The following CLEC2A variants were observed in gnomAD, a reference collection of about 807,000 sequenced individuals.
The protein encoded by CLEC2A is C-type lectin domain family 2 member A, also known as keratinocyte-associated C-type lectin.
A neutral mutation model predicts 18.6 loss-of-function variants in CLEC2A; 19 were observed. That is an observed-to-expected ratio of 1.02 (90% CI 0.71 to 1.50). The LOEUF is 1.50. CLEC2A is among the 40% of genes most tolerant of loss of function. The pLI, the probability that CLEC2A is intolerant of heterozygous loss-of-function variation, is 0.00. For synonymous variants in CLEC2A, 74 were observed against 64.0 expected (o/e 1.16, Z -0.75); for missense variants, 190 against 207.9 (o/e 0.91, Z 0.53).
rs776059249 is a variant in CLEC2A at position 9,913,683 on chromosome 12, G to T, written c.411-3C>A. ...ATCCGTTCCCTATAATTTCAAACCT[G>T]AAAAAGAACACTCTAAATCAGTCTG... is the stretch of plus-strand genomic sequence containing the variant. On this transcript the variant is annotated splice_polypyrimidine_tract_variant and splice_region_variant and intron_variant, in intron 4 of 4. Transcript: ENST00000455827. The T allele has an allele frequency of 4.6e-6, 7 of 1,528,416 alleles. 1 individual carries two copies. The South Asian group carries it at 8.5e-5, about 19-fold the overall frequency. 94.7% of individuals were successfully genotyped at this position (1,528,416 alleles called of 1,614,324 possible). A position where few individuals can be genotyped will look rare whatever the true frequency, so the allele number is the denominator to read the frequency against.
chr12:9,908,360 T>C (rs1007416006), downstream of CLEC2A, among the ~76,000 whole-genome samples: 6 of 152,214 alleles, frequency 3.9e-5, no homozygotes, highest in East Asian at 1.9e-4. Context: ...TAATTTCTGC[T>C]TCCAGGATTA....
the CLEC2A span, chr12:9,893,480 T>C: frequency 1.3e-6 from 2 of 1,523,224 alleles, no homozygotes; most frequent in Non-Finnish European, 1.8e-6. Context: ...GATTGGACTA[T>C]ATGTTACATT....
chr12:9,894,556 G>A (rs773572894), downstream of CLEC2A, among the ~76,000 whole-genome samples: 2 of 152,138 alleles, frequency 1.3e-5, no homozygotes, highest in African/African-American at 2.4e-5. Context: ...AACAACATGA[G>A]GTGTTGCATG....
chr12:9,888,383 G>T, the CLEC2A span, among the ~76,000 whole-genome samples: 163 of 151,960 alleles, frequency 1.1e-3, 2 homozygotes, highest in Middle Eastern at 3.4e-3. Flanking sequence ...CCATATGCTC[G>T]GGAGGCTGAG....
the CLEC2A span, among the ~76,000 whole-genome samples, chr12:9,879,980 G>T: frequency 6.6e-6 from 1 of 152,282 alleles, no homozygotes; most frequent in African/African-American, 2.4e-5. Context: ...CTATGACCCG[G>T]GTTGGGGATG....
At chr12:9,921,663 T>G (rs1863175291) in intron 3 of CLEC2A, among the ~76,000 whole-genome samples, 1 of 152,192 alleles carries the variant, frequency 6.6e-6, no homozygotes, top group African/African-American at 2.4e-5. Context: ...ACTGGAAGTC[T>G]TACTGGTAAC....
downstream of CLEC2A, among the ~76,000 whole-genome samples, chr12:9,912,479 G>C (rs373792034): frequency 2.0e-5 from 3 of 152,210 alleles, no homozygotes; most frequent in East Asian, 3.8e-4. Context: ...AGGAGCGACA[G>C]TGAGAGGTTT....
the CLEC2A span, chr12:9,885,032 C>T: frequency 1.1e-4 from 136 of 1,190,382 alleles, no homozygotes; most frequent in Admixed American, 3.0e-4. Flanking sequence ...GAAGTTCTGG[C>T]GTGAGTAGTA....
At chr12:9,894,525 T>C (rs1325076171), downstream of CLEC2A, among the ~76,000 whole-genome samples, 5 of 152,188 alleles carry the variant, frequency 3.3e-5, no homozygotes, top group Non-Finnish European at 5.9e-5. Context: ...CACGATACTT[T>C]CTTCACATTG....
chr12:9,932,198 A>G (rs967429040), intron 1 of CLEC2A, 77 bp downstream of exon 1: 1 of 1,031,586 alleles, frequency 9.7e-7, no homozygotes, highest in Non-Finnish European at 1.5e-6. Flanking sequence ...GTAAGTAAAG[A>G]GTCCATATTT....
downstream of CLEC2A, among the ~76,000 whole-genome samples, chr12:9,910,908 A>G (rs539628864): frequency 7.9e-5 from 12 of 152,254 alleles, no homozygotes; most frequent in African/African-American, 2.9e-4. Context: ...ATGAGCCCCT[A>G]TGATTGTTAG....
the CLEC2A span, chr12:9,884,798 ATTTTT>A: frequency 2.7e-6 from 1 of 377,092 alleles, no homozygotes; most frequent in Non-Finnish European, 4.7e-6. Flanking sequence ...TAGACTTTTT[ATTTTT>A]AGATTTTCAT....
chr12:9,900,749 C>T (rs534969857), intron 4 of CLEC2A, among the ~76,000 whole-genome samples: 339 of 152,182 alleles, frequency 2.2e-3, no homozygotes, highest in African/African-American at 7.6e-3. Flanking sequence ...ACTGAATAAA[C>T]AAGGGTATGA....
At chr12:9,888,881 C>A in the CLEC2A span, 1 of 623,166 alleles carries the variant, frequency 1.6e-6, no homozygotes, top group Non-Finnish European at 2.8e-6. Context: ...AAGCCAACAG[C>A]ACTGGTGGAG....
chr12:9,888,676 C>A, the CLEC2A span: 2 of 979,512 alleles, frequency 2.0e-6, no homozygotes, highest in South Asian at 1.4e-5. Context: ...TCTCATGTAC[C>A]TAGATTGCTA....
downstream of CLEC2A, among the ~76,000 whole-genome samples, chr12:9,911,401 C>T (rs1006598440): frequency 2.0e-5 from 3 of 152,158 alleles, no homozygotes; most frequent in Non-Finnish European, 4.4e-5. Flanking sequence ...GGAATTTATC[C>T]TCTCTGGCAT....
downstream of CLEC2A, among the ~76,000 whole-genome samples, chr12:9,911,091 T>C (rs1413898852): frequency 6.6e-6 from 1 of 152,154 alleles, no homozygotes; most frequent in Non-Finnish European, 1.5e-5. Flanking sequence ...TAGTTCCCCA[T>C]TGGCTGGAGT....
At chr12:9,903,823 C>T (rs534360272) in intron 4 of CLEC2A, among the ~76,000 whole-genome samples, 1 of 152,156 alleles carries the variant, frequency 6.6e-6, no homozygotes, top group African/African-American at 2.4e-5. Context: ...GACTTAAATT[C>T]ATCTGGGACT....
chr12:9,919,905 G>A (rs1201503754), intron 3 of CLEC2A, among the ~76,000 whole-genome samples: 4 of 152,150 alleles, frequency 2.6e-5, no homozygotes, highest in African/African-American at 9.7e-5. Context: ...ATCCTGCCCA[G>A]TGAGGAGGAA....
Sources: allele counts gnomAD v4.1 joint callset (sites outside exome capture counted in the v4.1 genomes callset), GRCh38; gene constraint gnomAD v4.1.1; transcripts MANE v1.5; gene names NCBI Gene and HGNC (gene_info 2026-07-23, HGNC 2026-07-21).